The following TEAD4 variants were observed in gnomAD, a reference collection of about 807,000 sequenced individuals.
TEAD4 encodes TEA domain transcription factor 4.
TEAD4 carries 36 observed loss-of-function variants against 52.4 expected under a neutral mutation model. That is an observed-to-expected ratio of 0.69 (90% CI 0.53 to 0.91). The LOEUF is 0.91. Among genes scored for constraint, TEAD4 ranks in the 40% least tolerant of loss-of-function variants. TEAD4 has a pLI of 0.00. For missense variants in TEAD4, 508 were observed against 583.9 expected, an observed-to-expected ratio of 0.87 and a Z score of 1.34; for synonymous variants, 220 against 231.0, an observed-to-expected ratio of 0.95 and a Z score of 0.43.
chr12:3,020,903 C>T (rs889727041), intron 9 of TEAD4, 130 bp downstream of exon 9: 2 of 1,017,482 alleles, frequency 2.0e-6, no homozygotes, highest in Non-Finnish European at 2.7e-6. Context: ...ATCTTCCCTT[C>T]TGCCCTTCCC....
intron 11 of TEAD4, 44 bp from the exon 12 acceptor site, chr12:3,040,063 G>A (rs1169034083): frequency 1.2e-6 from 2 of 1,608,050 alleles, no homozygotes; most frequent in South Asian, 1.1e-5. Context: ...GCTGGAGGTG[G>A]TCAGAATGGG....
chr12:3,000,640 C>G (rs2098250946), intron 3 of TEAD4, among the ~76,000 whole-genome samples: 1 of 152,096 alleles, frequency 6.6e-6, no homozygotes, highest in Non-Finnish European at 1.5e-5. Flanking sequence ...TTGGAGGGGA[C>G]TAATATTCAA....
intron 2 of TEAD4, among the ~76,000 whole-genome samples, chr12:2,985,591 C>T (rs111984553): frequency 0.014 from 2,105 of 146,548 alleles, 48 homozygotes; most frequent in African/African-American, 0.05. Context: ...CTGCAACCTC[C>T]GCCTCCCGGG....
At chr12:2,965,729 A>G (rs2098219690) in intron 2 of TEAD4, among the ~76,000 whole-genome samples, 1 of 151,818 alleles carries the variant, frequency 6.6e-6, no homozygotes, top group Non-Finnish European at 1.5e-5. Context: ...ATTTTTTAGT[A>G]GAGACGGGGT....
chr12:3,029,618 T>G (rs2098274273), intron 10 of TEAD4, among the ~76,000 whole-genome samples: 1 of 152,138 alleles, frequency 6.6e-6, no homozygotes, highest in Admixed American at 6.5e-5. Flanking sequence ...TGGCCTCAAG[T>G]GATCCTCCTG....
intron 6 of TEAD4, 151 bp from the exon 7 acceptor site, chr12:3,018,394 G>A: frequency 1.2e-6 from 1 of 816,082 alleles, no homozygotes; most frequent in Non-Finnish European, 2.0e-6. Flanking sequence ...GGGTGCTGCT[G>A]TGGCCTGTTA....
At position 3,019,239 on chromosome 12, in the gene TEAD4, C is replaced by T. The variant is rs71534249; in HGVS notation, c.583+69C>T. On this transcript the variant is annotated intron_variant, in intron 8 of 12. Coordinates refer to ENST00000359864, the MANE Select transcript of TEAD4 (RefSeq NM_003213.4). ...GCTCCTGCCTCTGGGTCCAGGCCCCCGGCAGCCGAACGCCTGCGTGTCCCT... is the reference window on the plus strand; with the variant it reads ...GCTCCTGCCTCTGGGTCCAGGCCCCTGGCAGCCGAACGCCTGCGTGTCCCT... 324 of 1,578,770 alleles carry T rather than the reference C, an allele frequency of 2.1e-4. 1 individual carries two copies. Among genetic ancestry groups the T allele is most frequent in the Admixed American group, 5.3e-4 (32 of 59,816 alleles).
chr12:3,024,913 T>TGTC (rs2098271109), intron 10 of TEAD4, among the ~76,000 whole-genome samples: 1 of 151,118 alleles, frequency 6.6e-6, no homozygotes, highest in Non-Finnish European at 1.5e-5. Flanking sequence ...TTCTCCTGGC[T>TGTC]GCCTCTGTTC....
chr12:3,033,780 C>A (rs11835377), intron 10 of TEAD4, among the ~76,000 whole-genome samples: 19,657 of 152,116 alleles, frequency 0.13, 1,693 homozygotes, highest in African/African-American at 0.25. Flanking sequence ...GGCAGGGGAC[C>A]GGGGCAGCTC....
At chr12:2,984,654 C>G (rs2098236647) in intron 2 of TEAD4, among the ~76,000 whole-genome samples, 1 of 152,164 alleles carries the variant, frequency 6.6e-6, no homozygotes, top group African/African-American at 2.4e-5. Flanking sequence ...CTGTGTGGTA[C>G]AACCTATTGC....
chr12:2,996,470 C>T (rs540118411), intron 3 of TEAD4, among the ~76,000 whole-genome samples: 5 of 150,036 alleles, frequency 3.3e-5, no homozygotes, highest in East Asian at 3.9e-4. Flanking sequence ...GTGCAATGGG[C>T]GCAATCTCAG....
intron 2 of TEAD4, chr12:2,960,267 C>T: frequency 2.0e-6 from 2 of 985,276 alleles, no homozygotes; most frequent in Non-Finnish European, 1.2e-6. Flanking sequence ...AGAGGCAGAA[C>T]CGAGAGCATC....
intron 3 of TEAD4, among the ~76,000 whole-genome samples, chr12:3,008,944 C>T (rs2098258029): frequency 6.6e-6 from 1 of 152,214 alleles, no homozygotes; most frequent in Non-Finnish European, 1.5e-5. Context: ...CTTCTTCCCT[C>T]ATGCTTTTCC....
chr12:3,022,428 G>A (rs987512590), intron 10 of TEAD4, among the ~76,000 whole-genome samples: 16 of 152,150 alleles, frequency 1.1e-4, no homozygotes, highest in African/African-American at 3.6e-4. Flanking sequence ...CTGGTCCTTC[G>A]GTGCTCGCGT....
At position 2,975,196 on chromosome 12, in the gene TEAD4, T is replaced by C. The variant is rs1269857856; in HGVS notation, c.-30+15156T>C. Reference sequence around the variant, plus strand: ...AAAACAAACAAACAAAAAAAGACTATAATTTTGAGTAGTTTGGGGTTTATA... The same window carrying C: ...AAAACAAACAAACAAAAAAAGACTACAATTTTGAGTAGTTTGGGGTTTATA... On this transcript the variant is annotated intron_variant, in intron 2 of 12. Coordinates refer to ENST00000359864, the MANE Select transcript of TEAD4 (RefSeq NM_003213.4). Among the ~76,000 whole-genome samples the C allele has an allele frequency of 7.5e-5, 11 of 145,800 alleles. No individual in the cohort carries two copies. The East Asian group carries it at 2.2e-3, about 29-fold the overall frequency.
rs771163273 is a variant in TEAD4 at position 3,019,097 on chromosome 12, C to A, written c.528-18C>A. 13 of 1,613,852 alleles carry A rather than the reference C, an allele frequency of 8.1e-6. No homozygotes were observed. Among genetic ancestry groups the A allele is most frequent in the Non-Finnish European group, 1.1e-5 (13 of 1,179,926 alleles). ...GGCCTGCCCGAGGCTGACACCTCCC[C>A]TCCTCTCTCTCCCGCAGTGTGAAGC... On this transcript the variant is annotated intron_variant, in intron 7 of 12. Coordinates refer to ENST00000359864, the MANE Select transcript of TEAD4 (RefSeq NM_003213.4).
At chr12:3,028,911 G>T (rs567164774) in intron 10 of TEAD4, among the ~76,000 whole-genome samples, 1 of 152,148 alleles carries the variant, frequency 6.6e-6, no homozygotes, top group East Asian at 1.9e-4. Context: ...GATTACACGT[G>T]TGAGCCGCTG....
At chr12:3,032,783 TC>T (rs899720579) in intron 10 of TEAD4, among the ~76,000 whole-genome samples, 1 of 152,158 alleles carries the variant, frequency 6.6e-6, no homozygotes, top group African/African-American at 2.4e-5. Context: ...TTGGCGGTCA[TC>T]TGCTCCCTCC....
intron 9 of TEAD4, 79 bp from the exon 10 acceptor site, chr12:3,021,765 G>A (rs1158237955): frequency 6.6e-7 from 1 of 1,507,944 alleles, no homozygotes; most frequent in African/African-American, 1.4e-5. Context: ...CAGGTCACGT[G>A]GTGGGCACGC....
Sources: gnomAD v4.1 joint callset for allele counts (sites outside exome capture counted in the v4.1 genomes callset) on GRCh38, gnomAD v4.1.1 for gene constraint, MANE v1.5 for transcripts, NCBI Gene and HGNC (gene_info 2026-07-23, HGNC 2026-07-21) for gene names.